The following SESTD1 variants were observed in gnomAD, a reference collection of about 807,000 sequenced individuals.
SESTD1 encodes SEC14 domain and spectrin repeat-containing protein 1.
SESTD1 carries 43 observed loss-of-function variants against 101.7 expected under a neutral mutation model. That is an observed-to-expected ratio of 0.42 (90% confidence interval 0.33 to 0.55). SESTD1 has a LOEUF of 0.55. SESTD1 is among the 20% of genes least tolerant of loss of function. The pLI, the probability that SESTD1 is intolerant of heterozygous loss-of-function variation, is 0.07. For synonymous variants in SESTD1, 283 were observed against 286.8 expected, an observed-to-expected ratio of 0.99 and a Z score of 0.13; for missense variants, 647 against 815.1, an observed-to-expected ratio of 0.79 and a Z score of 2.51.
intron 5 of SESTD1, 63 bp from the exon 6 acceptor site, chr2:179,151,454 C>G (rs1038134188): frequency 7.8e-6 from 9 of 1,157,402 alleles, no homozygotes; most frequent in African/African-American, 1.6e-5. Context: ...ACGAAAGTAA[C>G]CAGGAGGTAA....
rs2044458718 is a variant in SESTD1, at chr2:179,109,434, A to G, written c.*465T>C. The G allele has an allele frequency of 6.0e-6, 2 of 331,086 alleles. No homozygotes were observed. The highest frequency in any genetic ancestry group is 1.1e-5 in the Non-Finnish European group (2 of 184,434). 20.5% of individuals were successfully genotyped at this position (331,086 alleles called of 1,614,324 possible). A position where few individuals can be genotyped will look rare whatever the true frequency, so the allele number is the denominator to read the frequency against. On this transcript the variant is annotated 3_prime_UTR_variant, in exon 18 of 18. Coordinates refer to ENST00000428443, the MANE Select transcript of SESTD1 (RefSeq NM_178123.5). ...AGGCTTTCTCTGTATTGACACAATAAAAATAATCAATTCTGAAGAATTACA... is the reference window on the plus strand; with the variant it reads ...AGGCTTTCTCTGTATTGACACAATAGAAATAATCAATTCTGAAGAATTACA...
intron 5 of SESTD1, among the ~76,000 whole-genome samples, chr2:179,157,089 C>T (rs2045646977): frequency 6.6e-6 from 1 of 152,044 alleles, no homozygotes; most frequent in South Asian, 2.1e-4. Context: ...GTCCTTTCCC[C>T]ACTTTATGTT....
chr2:179,168,112 C>T (rs1037107628), intron 5 of SESTD1, among the ~76,000 whole-genome samples: 1 of 152,102 alleles, frequency 6.6e-6, no homozygotes, highest in Admixed American at 6.5e-5. Context: ...CTGAATTGCA[C>T]AGGTCCACTT....
chr2:179,154,851 T>C (rs901027756), intron 5 of SESTD1, among the ~76,000 whole-genome samples: 5 of 152,136 alleles, frequency 3.3e-5, no homozygotes, highest in African/African-American at 7.2e-5. Flanking sequence ...AAGTATGAAA[T>C]ATTTTAAAAC....
At chr2:179,253,578 G>A (rs940957797) in intron 1 of SESTD1, among the ~76,000 whole-genome samples, 1 of 152,086 alleles carries the variant, frequency 6.6e-6, no homozygotes, top group Non-Finnish European at 1.5e-5. Context: ...AATTTTCCAA[G>A]AAGTAAAAAA....
chr2:179,187,323 T>C (rs2046248333), intron 2 of SESTD1, among the ~76,000 whole-genome samples: 3 of 152,108 alleles, frequency 2.0e-5, no homozygotes, highest in Non-Finnish European at 2.9e-5. Context: ...AATGGCAAGA[T>C]GGATCCAAAA....
At chr2:179,155,908 A>T (rs1407183325) in intron 5 of SESTD1, among the ~76,000 whole-genome samples, 3 of 151,982 alleles carry the variant, frequency 2.0e-5, no homozygotes, top group Admixed American at 2.0e-4. Flanking sequence ...CTTTCCCCCA[A>T]GTCTCCAAAG....
intron 7 of SESTD1, 129 bp from the exon 8 acceptor site, chr2:179,146,586 C>T (rs1304780286): frequency 4.4e-6 from 3 of 681,542 alleles, no homozygotes; most frequent in Non-Finnish European, 7.3e-6. Flanking sequence ...ACCATCCTAC[C>T]ATGCTAACTT....
chr2:179,142,401 A>G (rs1304091362), intron 9 of SESTD1, among the ~76,000 whole-genome samples: 1 of 152,180 alleles, frequency 6.6e-6, no homozygotes, highest in Non-Finnish European at 1.5e-5. Context: ...TCCTGTTTCA[A>G]TTAAGCAAAG....
intron 1 of SESTD1, among the ~76,000 whole-genome samples, chr2:179,228,715 C>A (rs988282271): frequency 3.9e-5 from 6 of 152,160 alleles, no homozygotes; most frequent in African/African-American, 1.4e-4. Flanking sequence ...TCCAATATAA[C>A]CTTCAAAAGC....
intron 1 of SESTD1, among the ~76,000 whole-genome samples, chr2:179,231,800 A>T (rs2046992681): frequency 6.6e-6 from 1 of 152,002 alleles, no homozygotes; most frequent in Non-Finnish European, 1.5e-5. Context: ...GTAAGGAAGC[A>T]AGAGTAATGA....
At chr2:179,206,531 C>T (rs749105669) in intron 1 of SESTD1, among the ~76,000 whole-genome samples, 2 of 135,728 alleles carry the variant, frequency 1.5e-5, no homozygotes, top group Non-Finnish European at 3.2e-5. Context: ...CCCAGGGAAG[C>T]CATTCCTGAC....
rs1045039660 is a variant in SESTD1 at position 179,160,583 on chromosome 2, A to C, written c.370-9192T>G. The stretch of plus-strand genomic sequence containing the variant: ...CTAATTAAGTGACCAATTGATAGAA[A>C]CATCATATTCTAACCTAAAGATAAA... On this transcript the variant is annotated intron_variant, in intron 5 of 17. Coordinates refer to ENST00000428443, the MANE Select transcript of SESTD1 (RefSeq NM_178123.5). Among the ~76,000 whole-genome samples, 9 of 152,168 alleles carry C rather than the reference A, an allele frequency of 5.9e-5. No individual in the cohort carries two copies. In the South Asian group the frequency reaches 1.9e-3, roughly 32 times the overall value.
chr2:179,261,421 T>TA (rs2047481393), intron 1 of SESTD1, among the ~76,000 whole-genome samples: 1 of 152,142 alleles, frequency 6.6e-6, no homozygotes, highest in African/African-American at 2.4e-5. Flanking sequence ...ACTGTAAGGT[T>TA]AAAAAAACAA....
intron 4 of SESTD1, among the ~76,000 whole-genome samples, chr2:179,174,190 C>T (rs1016488457): frequency 2.6e-5 from 4 of 152,108 alleles, no homozygotes; most frequent in Non-Finnish European, 5.9e-5. Flanking sequence ...TTAGAGAATA[C>T]CAGTTATAGG....
At chr2:179,196,655 C>A (rs1472228050) in intron 1 of SESTD1, among the ~76,000 whole-genome samples, 3 of 152,302 alleles carry the variant, frequency 2.0e-5, no homozygotes, top group East Asian at 3.9e-4. Context: ...TGACCCCTGA[C>A]CCCCGAGCAG....
At position 179,205,449 on chromosome 2, in the gene SESTD1, A is replaced by G. The variant is rs1450703947; in HGVS notation, c.-25-13583T>C. ...ATCAAATGCTAAAACTTAATTTTTCACAACTGCATTCTCCACATCTCTAAA... is the reference window on the plus strand; with the variant it reads ...ATCAAATGCTAAAACTTAATTTTTCGCAACTGCATTCTCCACATCTCTAAA... On this transcript the variant is annotated intron_variant, in intron 1 of 17. Transcript: ENST00000428443. 1.5e-5 allele frequency among the ~76,000 whole-genome samples: 2 copies of G among 134,456 alleles called. 1 individual carries two copies. Among genetic ancestry groups the G allele is most frequent in the Non-Finnish European group, 3.2e-5 (2 of 62,610 alleles). The allele number at this position is 134,456 out of a possible 152,430, so 88.2% of individuals were successfully genotyped here. A position where few individuals can be genotyped will look rare whatever the true frequency, so the allele number is the denominator to read the frequency against.
chr2:179,159,737 T>C (rs1212453761), intron 5 of SESTD1, among the ~76,000 whole-genome samples: 3 of 152,112 alleles, frequency 2.0e-5, no homozygotes, highest in Admixed American at 6.6e-5. Context: ...CTAATTTCCA[T>C]AGATAGCAAA....
chr2:179,230,048 G>A (rs968297621), intron 1 of SESTD1, among the ~76,000 whole-genome samples: 1 of 134,940 alleles, frequency 7.4e-6, no homozygotes, highest in Non-Finnish European at 1.6e-5. Flanking sequence ...CTAATGAAAA[G>A]CACCCCCAAA....
Sources: allele counts gnomAD v4.1 joint callset (sites outside exome capture counted in the v4.1 genomes callset), GRCh38; gene constraint gnomAD v4.1.1; transcripts MANE v1.5; gene names NCBI Gene and HGNC (gene_info 2026-07-23, HGNC 2026-07-21).